The following GALNT17 variants were observed in gnomAD, a reference collection of about 807,000 sequenced individuals.
The protein encoded by GALNT17 is UDP-GalNAc:polypeptide N-acetylgalactosaminyltransferase-like 3.
GALNT17 carries 29 observed loss-of-function variants against 63.7 expected under a neutral mutation model. That is an observed-to-expected ratio of 0.46 (90% CI 0.34 to 0.62). The LOEUF (loss-of-function observed/expected upper bound fraction) is 0.62. Among genes scored for constraint, GALNT17 ranks in the 20% least tolerant of loss-of-function variants. GALNT17 has a pLI of 0.01. For missense variants in GALNT17, 603 were observed against 799.6 expected (o/e 0.75, Z 2.97); for synonymous variants, 305 against 318.3 (o/e 0.96, Z 0.45).
At chr7:71,141,273 A>G (rs1214693245) in intron 1 of GALNT17, among the ~76,000 whole-genome samples, 1 of 152,064 alleles carries the variant, frequency 6.6e-6, no homozygotes, top group East Asian at 1.9e-4. Flanking sequence ...GGGCTGAGGC[A>G]GGAGAATCAC....
Position 71,195,644 on chromosome 7 carries a change from C to T in GALNT17, c.238+62604C>T, listed in dbSNP as rs1228700128. Among the ~76,000 whole-genome samples the T allele has an allele frequency of 2.6e-5, 4 of 151,386 alleles. 1 individual carries two copies. The highest frequency in any genetic ancestry group is 9.7e-5 in the African/African-American group (4 of 41,250). ...CTTACTGCACCCTCGGACTCCTGGG[C>T]TCCAGTGACCCTCTCTCCTCAGCCT... On this transcript the variant is annotated intron_variant, in intron 1 of 10. Coordinates refer to ENST00000333538, the MANE Select transcript of GALNT17 (RefSeq NM_022479.3).
chr7:71,656,151 A>G (rs1177198255), intron 6 of GALNT17, among the ~76,000 whole-genome samples: 1 of 152,198 alleles, frequency 6.6e-6, no homozygotes, highest in East Asian at 1.9e-4. Flanking sequence ...GGGACACAGG[A>G]TGACACAGTC....
At chr7:71,515,565 C>T (rs938248436) in intron 5 of GALNT17, among the ~76,000 whole-genome samples, 1 of 152,114 alleles carries the variant, frequency 6.6e-6, no homozygotes, top group Admixed American at 6.6e-5. Context: ...TGATTAGACC[C>T]TGGATAGCAC....
intron 6 of GALNT17, among the ~76,000 whole-genome samples, chr7:71,638,828 A>G (rs557320741): frequency 1.3e-5 from 2 of 152,304 alleles, no homozygotes; most frequent in Non-Finnish European, 2.9e-5. Context: ...AACAAGCCAG[A>G]CACAGAAAGG....
intron 5 of GALNT17, among the ~76,000 whole-genome samples, chr7:71,565,226 C>T (rs774922682): frequency 2.0e-5 from 3 of 151,800 alleles, no homozygotes; most frequent in Admixed American, 2.0e-4. Context: ...GAGATGGCAC[C>T]GCTGCACCCT....
intron 2 of GALNT17, among the ~76,000 whole-genome samples, chr7:71,353,828 A>G (rs781450789): frequency 3.9e-5 from 6 of 152,204 alleles, no homozygotes; most frequent in Admixed American, 1.3e-4. Context: ...CATTGCTATA[A>G]AGAAATACCT....
At chr7:71,545,172 G>A (rs1026631729) in intron 5 of GALNT17, among the ~76,000 whole-genome samples, 10 of 151,832 alleles carry the variant, frequency 6.6e-5, no homozygotes, top group African/African-American at 1.5e-4. Context: ...TTTTCTCCTC[G>A]TATGTATAAC....
chr7:71,638,906 AGAGTAG>A (rs1426544933), intron 6 of GALNT17, among the ~76,000 whole-genome samples: 1 of 152,144 alleles, frequency 6.6e-6, no homozygotes, highest in East Asian at 1.9e-4. Flanking sequence ...ATGGACACAG[AGAGTAG>A]GATGGTTATC....
chr7:71,162,252 C>G (rs1788363046), intron 1 of GALNT17, among the ~76,000 whole-genome samples: 1 of 151,484 alleles, frequency 6.6e-6, no homozygotes. Flanking sequence ...AGTAACATTC[C>G]TAAAGGAAAG....
intron 9 of GALNT17, 60 bp downstream of exon 9, chr7:71,677,366 CT>C: frequency 1.3e-6 from 2 of 1,491,948 alleles, no homozygotes; most frequent in Non-Finnish European, 9.1e-7. Context: ...CCACAGAGGC[CT>C]TGCAGGCCTT....
chr7:71,405,894 G>A (rs960844145), intron 3 of GALNT17, among the ~76,000 whole-genome samples: 11 of 152,156 alleles, frequency 7.2e-5, no homozygotes, highest in Admixed American at 1.3e-4. Flanking sequence ...CATAGCACAC[G>A]CTCTGTGCTT....
intron 4 of GALNT17, among the ~76,000 whole-genome samples, chr7:71,416,705 C>A (rs1257029685): frequency 6.6e-6 from 1 of 152,134 alleles, no homozygotes; most frequent in East Asian, 1.9e-4. Context: ...TTTTCTTGTT[C>A]TCTTTTCCTT....
At chr7:71,701,479 T>C (rs1223230149) in intron 9 of GALNT17, among the ~76,000 whole-genome samples, 1 of 151,052 alleles carries the variant, frequency 6.6e-6, no homozygotes, top group Non-Finnish European at 1.5e-5. Context: ...AGAGTGAGAC[T>C]CTATCTCAAA....
intron 6 of GALNT17, among the ~76,000 whole-genome samples, chr7:71,624,819 C>G (rs1445783264): frequency 6.6e-6 from 1 of 152,072 alleles, no homozygotes; most frequent in Non-Finnish European, 1.5e-5. Flanking sequence ...AGAAGGAGGA[C>G]GGCATTGTTT....
At chr7:71,499,229 T>C (rs561498531) in intron 5 of GALNT17, among the ~76,000 whole-genome samples, 8 of 152,154 alleles carry the variant, frequency 5.3e-5, no homozygotes, top group Admixed American at 2.0e-4. Context: ...AAGGCCCCTA[T>C]TGGGGCAGGG....
intron 9 of GALNT17, among the ~76,000 whole-genome samples, chr7:71,710,064 A>T (rs1337328616): frequency 6.6e-6 from 1 of 152,172 alleles, no homozygotes; most frequent in Non-Finnish European, 1.5e-5. Context: ...TGGGGAGGAA[A>T]TGGAGACTCA....
chr7:71,630,651 G>A (rs1214843863), intron 6 of GALNT17, among the ~76,000 whole-genome samples: 1 of 152,162 alleles, frequency 6.6e-6, no homozygotes, highest in Admixed American at 6.5e-5. Flanking sequence ...GAGGCAGCTG[G>A]TGTAATTGGC....
At chr7:71,489,673 T>A (rs920772791) in intron 5 of GALNT17, among the ~76,000 whole-genome samples, 2 of 152,152 alleles carry the variant, frequency 1.3e-5, no homozygotes, top group Admixed American at 6.5e-5. Context: ...TACTAGAGGC[T>A]TACATACAGG....
At chr7:71,235,296 C>T (rs984722323) in intron 1 of GALNT17, among the ~76,000 whole-genome samples, 1 of 151,932 alleles carries the variant, frequency 6.6e-6, no homozygotes, top group Non-Finnish European at 1.5e-5. Flanking sequence ...AGGTGTTGCC[C>T]GTGGTTGAGA....
Sources: allele counts gnomAD v4.1 joint callset (sites outside exome capture counted in the v4.1 genomes callset), GRCh38; gene constraint gnomAD v4.1.1; transcripts MANE v1.5; gene names NCBI Gene and HGNC (gene_info 2026-07-23, HGNC 2026-07-21).